The following CSMD1 variants were observed in gnomAD, a reference collection of about 807,000 sequenced individuals.
The protein encoded by CSMD1 is CUB and sushi domain-containing protein 1.
In CSMD1, 213 loss-of-function variants were observed where a neutral mutation model predicts 417.5. The ratio of observed to expected loss-of-function variants is 0.51; its 90% CI spans 0.46 to 0.57. The LOEUF (loss-of-function observed/expected upper bound fraction) is 0.57. Ranked by LOEUF, CSMD1 falls within the 20% of genes least tolerant of loss-of-function variation. The probability of loss-of-function intolerance (pLI) is 0.00; values close to 1 mark genes in which losing one functional copy is unlikely to be tolerated. For synonymous variants in CSMD1, 2,862 were observed against 1,736.8 expected, an observed-to-expected ratio of 1.65 and a Z score of -16.11; for missense variants, 6,923 against 4,529.7, an observed-to-expected ratio of 1.53 and a Z score of -15.17.
chr8:4,007,664 T>C (rs932809488), intron 4 of CSMD1, among the ~76,000 whole-genome samples: 4 of 151,572 alleles, frequency 2.6e-5, no homozygotes, highest in African/African-American at 4.8e-5. Flanking sequence ...CTGATAGAAG[T>C]ATTCTTTCTT....
chr8:3,965,232 G>T (rs887829651), intron 5 of CSMD1, among the ~76,000 whole-genome samples: 3 of 152,120 alleles, frequency 2.0e-5, no homozygotes, highest in Admixed American at 1.3e-4. Flanking sequence ...GAACAGAGAC[G>T]GCAAATGCTT....
chr8:3,908,993 C>T (rs1390785451), intron 5 of CSMD1, among the ~76,000 whole-genome samples: 2 of 152,194 alleles, frequency 1.3e-5, no homozygotes, highest in African/African-American at 2.4e-5. Flanking sequence ...CTACAGTGTT[C>T]TCCTTCACTA....
intron 3 of CSMD1, among the ~76,000 whole-genome samples, chr8:4,395,250 A>G (rs943922975): frequency 6.6e-6 from 1 of 152,094 alleles, no homozygotes; most frequent in East Asian, 1.9e-4. Flanking sequence ...ATCTTCTTTT[A>G]TCTTCTCTCT....
In CSMD1 at chr8:3,529,970, G is replaced by T. The variant is rs141590830; in HGVS notation, c.1345-36244C>A. Among the ~76,000 whole-genome samples the T allele has an allele frequency of 7.4e-3, 1,133 of 152,236 alleles. 7 individuals carry two copies. The highest frequency in any genetic ancestry group is 0.027 in the Middle Eastern group (8 of 294). On this transcript the variant is annotated intron_variant, in intron 10 of 69. Transcript: ENST00000635120. ...ACAATAAATTTGCCCACGAAATGAT[G>T]TGCCATATGTCATTTTTGTTTCCCC...
At chr8:4,689,227 G>C (rs1192748720) in intron 1 of CSMD1, among the ~76,000 whole-genome samples, 1 of 152,130 alleles carries the variant, frequency 6.6e-6, no homozygotes, top group Non-Finnish European at 1.5e-5. Context: ...AGGTGATTTT[G>C]CATGTATTAA....
intron 3 of CSMD1, among the ~76,000 whole-genome samples, chr8:4,157,278 T>TA (rs374422411): frequency 1.6e-4 from 25 of 152,186 alleles, no homozygotes; most frequent in African/African-American, 5.8e-4. Context: ...GTGACTAGTT[T>TA]AGTGATGCAA....
At chr8:4,702,121 C>A (rs751385035) in intron 1 of CSMD1, among the ~76,000 whole-genome samples, 1 of 151,954 alleles carries the variant, frequency 6.6e-6, no homozygotes, top group Non-Finnish European at 1.5e-5. Flanking sequence ...ATGAGGTGGG[C>A]GAAGGTAGAG....
At chr8:4,942,754 G>A (rs924884309) in intron 1 of CSMD1, among the ~76,000 whole-genome samples, 1 of 152,186 alleles carries the variant, frequency 6.6e-6, no homozygotes, top group African/African-American at 2.4e-5. Context: ...CACAGACAGG[G>A]AGAAATGACA....
At chr8:3,331,311 T>C (rs1405724067) in intron 23 of CSMD1, among the ~76,000 whole-genome samples, 1 of 152,098 alleles carries the variant, frequency 6.6e-6, no homozygotes, top group Non-Finnish European at 1.5e-5. Flanking sequence ...CTAACGTTGA[T>C]ATCTGTGGTA....
chr8:3,432,397 T>C (rs1462878146), intron 12 of CSMD1, among the ~76,000 whole-genome samples: 1 of 152,192 alleles, frequency 6.6e-6, no homozygotes, highest in East Asian at 1.9e-4. Flanking sequence ...CCTGCTTAGC[T>C]TTTGCAGGTA....
Position 3,671,516 on chromosome 8 carries a change from C to CATAT in CSMD1, c.1009+36894_1009+36897dup, listed in dbSNP as rs1563256841. On this transcript the variant is annotated intron_variant, in intron 7 of 69. Coordinates refer to ENST00000635120, the MANE Select transcript of CSMD1 (RefSeq NM_033225.6). ...ATGATCATATATATATATATATGAT[C>CATAT]ATATATATGATCATATATATATATA... is the stretch of plus-strand genomic sequence containing the variant. 1.7e-3 allele frequency among the ~76,000 whole-genome samples: 14 copies of CATAT among 8,026 alleles called. 2 individuals are homozygous for CATAT. Among genetic ancestry groups the CATAT allele is most frequent in the Admixed American group, 3.0e-3 (2 of 670 alleles). The allele number at this position is 8,026 out of a possible 152,430, so 5.3% of individuals were successfully genotyped here.
rs567488652 is a variant in CSMD1 at position 4,189,928 on chromosome 8, T to G, written c.416-157829A>C. ...AAATCTGTACTCTTTTGCATATTTTTTTTTTCTAAAAAGCAGAGAGCATAG... is the reference window on the plus strand; with the variant it reads ...AAATCTGTACTCTTTTGCATATTTTGTTTTTCTAAAAAGCAGAGAGCATAG... On this transcript the variant is annotated intron_variant, in intron 3 of 69. Transcript: ENST00000635120. Among the ~76,000 whole-genome samples, 322 of 152,094 alleles carry G rather than the reference T, an allele frequency of 2.1e-3. 3 individuals are homozygous for G. The highest frequency in any genetic ancestry group is 7.3e-3 in the African/African-American group (302 of 41,470).
rs137988924 is a variant in CSMD1, at chr8:4,053,680, G to A, written c.416-21581C>T. 2.6e-5 allele frequency among the ~76,000 whole-genome samples: 4 copies of A among 152,010 alleles called. No individual in the cohort carries two copies. In the East Asian group the frequency reaches 7.7e-4, roughly 29 times the overall value. ...TAGAAACATACCCCAAAAATAGCAGGTTAAAATCAAACAGCTCATCATGGC... is the reference window on the plus strand; with the variant it reads ...TAGAAACATACCCCAAAAATAGCAGATTAAAATCAAACAGCTCATCATGGC... On this transcript the variant is annotated intron_variant, in intron 3 of 69. Coordinates refer to ENST00000635120, the MANE Select transcript of CSMD1 (RefSeq NM_033225.6).
intron 3 of CSMD1, among the ~76,000 whole-genome samples, chr8:4,159,940 G>A (rs1375430038): frequency 6.6e-6 from 1 of 151,588 alleles, no homozygotes; most frequent in African/African-American, 2.4e-5. Flanking sequence ...GCCTTGAGGG[G>A]AAAGGGTGGG....
intron 5 of CSMD1, among the ~76,000 whole-genome samples, chr8:3,890,402 G>T (rs1434701409): frequency 1.3e-5 from 2 of 151,916 alleles, no homozygotes; most frequent in African/African-American, 2.4e-5. Flanking sequence ...AAAGACAAAG[G>T]GGACATCAGA....
intron 12 of CSMD1, among the ~76,000 whole-genome samples, chr8:3,431,045 T>C (rs1814189034): frequency 6.6e-6 from 1 of 152,164 alleles, no homozygotes; most frequent in South Asian, 2.1e-4. Context: ...ACCCTGCTAG[T>C]AATGGATTCT....
intron 3 of CSMD1, among the ~76,000 whole-genome samples, chr8:4,265,331 G>C (rs937373629): frequency 1.1e-4 from 16 of 151,834 alleles, no homozygotes; most frequent in African/African-American, 3.9e-4. Flanking sequence ...AATTCTATCA[G>C]CATTTTGGTG....
rs958494693 is a variant in CSMD1, at chr8:3,292,264, G to T, written c.3951-7918C>A. 2.0e-5 allele frequency among the ~76,000 whole-genome samples: 3 copies of T among 152,284 alleles called. No individual in the cohort carries two copies. In the East Asian group the frequency reaches 5.8e-4, roughly 29 times the overall value. ...ACTTCCAACTATGTGGTCAGTTTTG[G>T]AGTAGGTGTGGTGTGGTGCTGAAAA... is the stretch of plus-strand genomic sequence containing the variant. On this transcript the variant is annotated intron_variant, in intron 25 of 69. Transcript: ENST00000635120.
intron 3 of CSMD1, among the ~76,000 whole-genome samples, chr8:4,336,765 C>CA (rs991116082): frequency 1.4e-4 from 21 of 152,008 alleles, no homozygotes; most frequent in African/African-American, 4.8e-4. Flanking sequence ...CCACAATGGG[C>CA]AAAGCTGGGC....
Sources: allele counts gnomAD v4.1 joint callset (sites outside exome capture counted in the v4.1 genomes callset), GRCh38; gene constraint gnomAD v4.1.1; transcripts MANE v1.5; gene names NCBI Gene and HGNC (gene_info 2026-07-23, HGNC 2026-07-21).